The following HSD17B12 variants were observed in gnomAD, a reference collection of about 807,000 sequenced individuals.
The protein encoded by HSD17B12 is very-long-chain 3-oxoacyl-CoA reductase.
In HSD17B12, 32 loss-of-function variants were observed where a neutral mutation model predicts 39.3. That is an observed-to-expected ratio of 0.81 (90% confidence interval 0.61 to 1.09). HSD17B12 has a LOEUF of 1.09. HSD17B12 is among the 50% of genes least tolerant of loss of function. The pLI, the probability that HSD17B12 is intolerant of heterozygous loss-of-function variation, is 0.00. For synonymous variants in HSD17B12, 150 were observed against 146.7 expected (o/e 1.02, Z -0.16); for missense variants, 342 against 382.9 (o/e 0.89, Z 0.89).
At chr11:43,781,161 T>C (rs1378920013) in intron 3 of HSD17B12, among the ~76,000 whole-genome samples, 2 of 152,210 alleles carry the variant, frequency 1.3e-5, no homozygotes, top group African/African-American at 4.8e-5. Flanking sequence ...GCTTCACCTA[T>C]TCTGTTGCTC....
chr11:43,603,860 C>T, the HSD17B12 span, among the ~76,000 whole-genome samples: 1 of 152,070 alleles, frequency 6.6e-6, no homozygotes, highest in Admixed American at 6.6e-5. Context: ...TTATTCTTAG[C>T]TCAGTGGTAG....
chr11:43,685,286 C>CTTTGCTTAGCCATGCGCAAGA (rs56119404), intron 1 of HSD17B12, among the ~76,000 whole-genome samples: 1 of 152,106 alleles, frequency 6.6e-6, no homozygotes, highest in Admixed American at 6.6e-5. Flanking sequence ...TGAAAACATG[C>CTTTGCTTAGCCATGCGCAAGA]ATCAAAGGAT....
the HSD17B12 span, among the ~76,000 whole-genome samples, chr11:43,664,868 T>A: frequency 6.6e-6 from 1 of 152,210 alleles, no homozygotes. Flanking sequence ...GAATAAGGAA[T>A]ATTCTTGGTT....
chr11:43,717,577 G>A (rs1950135335), intron 1 of HSD17B12, among the ~76,000 whole-genome samples: 1 of 152,102 alleles, frequency 6.6e-6, no homozygotes, highest in Non-Finnish European at 1.5e-5. Context: ...ATTGGCTGGG[G>A]GTAGAGGGTT....
At chr11:43,786,343 T>C (rs752785501) in intron 3 of HSD17B12, among the ~76,000 whole-genome samples, 30 of 152,258 alleles carry the variant, frequency 2.0e-4, no homozygotes, top group Non-Finnish European at 4.0e-4. Flanking sequence ...TGATTTTCAC[T>C]GCTTCATCAA....
intron 2 of HSD17B12, among the ~76,000 whole-genome samples, chr11:43,753,452 A>G (rs1950483075): frequency 6.7e-6 from 1 of 149,334 alleles, no homozygotes; most frequent in Admixed American, 6.7e-5. Flanking sequence ...TGGTGGGTGC[A>G]ATCACGGCTC....
the HSD17B12 span, among the ~76,000 whole-genome samples, chr11:43,587,751 C>T: frequency 1.3e-5 from 2 of 152,226 alleles, no homozygotes; most frequent in South Asian, 4.1e-4. Flanking sequence ...GTCGATGGTT[C>T]CATGGAGGGA....
the HSD17B12 span, among the ~76,000 whole-genome samples, chr11:43,565,195 C>T: frequency 5.3e-5 from 8 of 152,292 alleles, no homozygotes; most frequent in Non-Finnish European, 1.2e-4. Context: ...CCACCATGCC[C>T]AGCGAGTCTT....
the HSD17B12 span, among the ~76,000 whole-genome samples, chr11:43,619,163 TGA>T: frequency 1.2e-5 from 1 of 82,000 alleles, no homozygotes; most frequent in South Asian, 3.8e-4. Flanking sequence ...AGTATATATA[TGA>T]TATATATATA....
chr11:43,676,247 C>T (rs114468538), upstream of HSD17B12, among the ~76,000 whole-genome samples: 3,786 of 82,712 alleles, frequency 0.046, 155 homozygotes, highest in African/African-American at 0.15. Context: ...ATGTGTTAAG[C>T]GTAGAGTTCT....
intron 4 of HSD17B12, among the ~76,000 whole-genome samples, chr11:43,812,837 ATTGT>A (rs1951085662): frequency 6.6e-6 from 1 of 151,828 alleles, no homozygotes; most frequent in Middle Eastern, 3.2e-3. Context: ...AAGACTCTCT[ATTGT>A]TTGTTTTTGT....
At chr11:43,797,420 A>G (rs922748519) in intron 3 of HSD17B12, among the ~76,000 whole-genome samples, 1 of 152,188 alleles carries the variant, frequency 6.6e-6, no homozygotes, top group Non-Finnish European at 1.5e-5. Context: ...TCTGCGTACC[A>G]TAGGTATCAT....
At chr11:43,835,269 C>A (rs907595291) in intron 7 of HSD17B12, among the ~76,000 whole-genome samples, 1 of 152,088 alleles carries the variant, frequency 6.6e-6, no homozygotes, top group Admixed American at 6.5e-5. Context: ...GCCATGGAAA[C>A]TGGTTTGACG....
the HSD17B12 span, among the ~76,000 whole-genome samples, chr11:43,666,778 G>A: frequency 5.3e-5 from 8 of 152,160 alleles, no homozygotes; most frequent in African/African-American, 7.2e-5. Flanking sequence ...TACTTCACAC[G>A]ACATTTTCTG....
rs376700447 is a variant in HSD17B12, at chr11:43,703,351, C to T, written c.160+22364C>T. 1.4e-3 allele frequency among the ~76,000 whole-genome samples: 206 copies of T among 152,114 alleles called. 1 individual carries two copies. The highest frequency in any genetic ancestry group is 4.7e-3 in the African/African-American group (196 of 41,494). On this transcript the variant is annotated intron_variant, in intron 1 of 10. Transcript: ENST00000278353. ...CTGGGACTACAGGCGCCCGCCACTA[C>T]GCCCGGCTAATTTTTTGTATTTTTA...
rs115731668 is a variant in HSD17B12 at position 43,698,226 on chromosome 11, A to G, written c.160+17239A>G. Among the ~76,000 whole-genome samples, 213 of 152,290 alleles carry G rather than the reference A, an allele frequency of 1.4e-3. 3 individuals are homozygous for G. The highest frequency in any genetic ancestry group is 5.0e-3 in the African/African-American group (206 of 41,546). ...GTCTGAGCTCTGGGCACTGACATAA[A>G]ACACTAAGAGAGATCAGGCTTTGGG... On this transcript the variant is annotated intron_variant, in intron 1 of 10. Coordinates refer to ENST00000278353, the MANE Select transcript of HSD17B12 (RefSeq NM_016142.3).
At chr11:43,772,832 C>T (rs1950662210) in intron 3 of HSD17B12, among the ~76,000 whole-genome samples, 1 of 152,132 alleles carries the variant, frequency 6.6e-6, no homozygotes, top group Non-Finnish European at 1.5e-5. Flanking sequence ...AGCTTTCAGC[C>T]AGGCATGGTG....
Position 43,710,810 on chromosome 11 carries a change from A to C in HSD17B12, c.160+29823A>C, listed in dbSNP as rs188008083. Among the ~76,000 whole-genome samples the C allele has an allele frequency of 3.9e-3, 589 of 152,198 alleles. 10 individuals are homozygous for C. The highest frequency in any genetic ancestry group is 9.3e-4 in the Non-Finnish European group (63 of 68,000). ...TTGTCAGTATTTTTTCGTTTTTTTG[A>C]GATGGAGTCTTGCTCTGTTGCCCAG... On this transcript the variant is annotated intron_variant, in intron 1 of 10. Coordinates refer to ENST00000278353, the MANE Select transcript of HSD17B12 (RefSeq NM_016142.3).
At chr11:43,801,595 GATATATATATATAT>G (rs55674379) in intron 4 of HSD17B12, among the ~76,000 whole-genome samples, 1,126 of 72,756 alleles carry the variant, frequency 0.015, 12 homozygotes, top group African/African-American at 0.039. Context: ...GATAGTTGGA[GATATATATATATAT>G]ATATATATAT....
Sources: allele counts gnomAD v4.1 joint callset (sites outside exome capture counted in the v4.1 genomes callset), GRCh38; gene constraint gnomAD v4.1.1; transcripts MANE v1.5; gene names NCBI Gene and HGNC (gene_info 2026-07-23, HGNC 2026-07-21).